DOCK4: variants seen among roughly 807,000 people sequenced by gnomAD.
DOCK4 encodes the protein dedicator of cytokinesis 4.
DOCK4 carries 97 observed loss-of-function variants against 268.1 expected under a neutral mutation model. The ratio of observed to expected loss-of-function variants is 0.36; its 90% CI spans 0.31 to 0.43. The LOEUF is 0.43. Ranked by LOEUF, DOCK4 falls within the 20% of genes least tolerant of loss-of-function variation. DOCK4 has a pLI of 1.00. For synonymous variants in DOCK4, 954 were observed against 887.2 expected, an observed-to-expected ratio of 1.08 and a Z score of -1.34; for missense variants, 2,145 against 2,455.7, an observed-to-expected ratio of 0.87 and a Z score of 2.67.
chr7:112,202,723 C>A (rs1204610384), intron 1 of DOCK4, among the ~76,000 whole-genome samples: 4 of 151,152 alleles, frequency 2.6e-5, no homozygotes, highest in Non-Finnish European at 5.9e-5. Flanking sequence ...ATAGCCACTG[C>A]ACTCCAGCCT....
At chr7:112,151,044 T>A (rs1263215179) in intron 1 of DOCK4, among the ~76,000 whole-genome samples, 1 of 152,174 alleles carries the variant, frequency 6.6e-6, no homozygotes, top group East Asian at 1.9e-4. Flanking sequence ...ACACATAAAA[T>A]AAGTGACTTT....
chr7:112,125,632 T>C (rs1021777154), intron 1 of DOCK4, among the ~76,000 whole-genome samples: 4 of 152,192 alleles, frequency 2.6e-5, no homozygotes, highest in African/African-American at 9.6e-5. Flanking sequence ...GTGACCTTCA[T>C]CAAGTTATTT....
chr7:112,035,432 T>A (rs1414564789), intron 1 of DOCK4, among the ~76,000 whole-genome samples: 1 of 152,102 alleles, frequency 6.6e-6, no homozygotes, highest in Non-Finnish European at 1.5e-5. Context: ...AAAAACTTCA[T>A]AAAACTATGA....
At chr7:111,746,019 T>A (rs940492458) in intron 44 of DOCK4, among the ~76,000 whole-genome samples, 3 of 152,114 alleles carry the variant, frequency 2.0e-5, no homozygotes, top group South Asian at 2.1e-4. Context: ...TTGACTTGGG[T>A]CCCTCCCCCA....
chr7:111,932,262 T>A (rs1219011906), intron 12 of DOCK4, among the ~76,000 whole-genome samples: 1 of 152,166 alleles, frequency 6.6e-6, no homozygotes. Flanking sequence ...GTTCAGCATA[T>A]CATGGTGAGT....
At chr7:111,952,801 G>C (rs576517832) in intron 8 of DOCK4, among the ~76,000 whole-genome samples, 1 of 151,938 alleles carries the variant, frequency 6.6e-6, no homozygotes, top group East Asian at 1.9e-4. Flanking sequence ...ACATTTAGAC[G>C]GTCATGTTCT....
chr7:111,783,659 A>G (rs1798948546), intron 34 of DOCK4, among the ~76,000 whole-genome samples, 198 bp downstream of exon 34: 1 of 152,148 alleles, frequency 6.6e-6, no homozygotes, highest in Non-Finnish European at 1.5e-5. Context: ...AAAACAAAGC[A>G]ACAAAAAACA....
At chr7:111,814,209 TGTTA>T (rs1402655051) in intron 27 of DOCK4, among the ~76,000 whole-genome samples, 2 of 152,214 alleles carry the variant, frequency 1.3e-5, no homozygotes, top group African/African-American at 2.4e-5. Flanking sequence ...ATTACCAAAT[TGTTA>T]TTTACATGGT....
intron 13 of DOCK4, among the ~76,000 whole-genome samples, 194 bp downstream of exon 13, chr7:111,915,585 G>A (rs1792513686): frequency 1.3e-5 from 2 of 151,980 alleles, no homozygotes; most frequent in Non-Finnish European, 2.9e-5. Context: ...TTATACAAAA[G>A]GAAATATTTT....
At chr7:111,904,086 C>T (rs573109186) in intron 13 of DOCK4, among the ~76,000 whole-genome samples, 1 of 152,314 alleles carries the variant, frequency 6.6e-6, no homozygotes, top group Admixed American at 6.5e-5. Flanking sequence ...CAGACTCCAG[C>T]AAAGGCAAGA....
intron 1 of DOCK4, among the ~76,000 whole-genome samples, chr7:112,175,894 C>T (rs1388945042): frequency 6.6e-6 from 1 of 152,088 alleles, no homozygotes; most frequent in African/African-American, 2.4e-5. Context: ...AATAACTTTC[C>T]TCTATAGTTT....
Position 112,143,751 on chromosome 7 carries a change from C to A in DOCK4, c.37+62351G>T, listed in dbSNP as rs868047572. On this transcript the variant is annotated intron_variant, in intron 1 of 52. Transcript: ENST00000428084. The stretch of plus-strand genomic sequence containing the variant: ...TGGGACTAAGAAGAGCTACATGGGC[C>A]AAACCCAACCCCAGCCATCTCCTCT... Among the ~76,000 whole-genome samples the A allele has an allele frequency of 8.5e-5, 13 of 152,260 alleles. No homozygotes were observed. In the South Asian group the frequency reaches 2.5e-3, roughly 29 times the overall value.
intron 10 of DOCK4, among the ~76,000 whole-genome samples, chr7:111,940,942 A>G (rs2134768869): frequency 6.6e-6 from 1 of 152,340 alleles, no homozygotes; most frequent in African/African-American, 2.4e-5. Context: ...GATTTTAAAA[A>G]TCTGCAAATT....
intron 25 of DOCK4, among the ~76,000 whole-genome samples, chr7:111,836,112 A>G (rs189622537): frequency 8.5e-5 from 13 of 152,264 alleles, no homozygotes; most frequent in Non-Finnish European, 1.8e-4. Context: ...TGTGTAAGGT[A>G]GTAACCCAAC....
At chr7:112,162,127 AAAGT>A (rs1487386943) in intron 1 of DOCK4, among the ~76,000 whole-genome samples, 4 of 152,336 alleles carry the variant, frequency 2.6e-5, no homozygotes, top group Non-Finnish European at 4.4e-5. Context: ...ATTCCCAAAG[AAAGT>A]AAGTAATTCC....
At chr7:112,122,620 C>T (rs185547656) in intron 1 of DOCK4, among the ~76,000 whole-genome samples, 2 of 152,134 alleles carry the variant, frequency 1.3e-5, no homozygotes, top group Admixed American at 6.6e-5. Flanking sequence ...AAAGCTCAAT[C>T]TGAGTTTTAA....
At chr7:111,794,742 A>C (rs181910173) in intron 30 of DOCK4, among the ~76,000 whole-genome samples, 1 of 152,166 alleles carries the variant, frequency 6.6e-6, no homozygotes, top group South Asian at 2.1e-4. Flanking sequence ...CTTACAGAGA[A>C]GGCAGCTAAA....
intron 1 of DOCK4, among the ~76,000 whole-genome samples, chr7:112,130,660 T>C (rs1226478090): frequency 6.6e-6 from 1 of 152,146 alleles, no homozygotes; most frequent in East Asian, 1.9e-4. Context: ...ACGCTCTGAG[T>C]ATGTGCCTTC....
At chr7:112,095,207 G>C (rs966874789) in intron 1 of DOCK4, among the ~76,000 whole-genome samples, 1 of 152,120 alleles carries the variant, frequency 6.6e-6, no homozygotes, top group South Asian at 2.1e-4. Flanking sequence ...GAGCAAGGAG[G>C]AGTCAAAGAA....
Sources: gnomAD v4.1 joint callset for allele counts (sites outside exome capture counted in the v4.1 genomes callset) on GRCh38, gnomAD v4.1.1 for gene constraint, MANE v1.5 for transcripts, NCBI Gene and HGNC (gene_info 2026-07-23, HGNC 2026-07-21) for gene names.